SH2D3C: variants seen among roughly 807,000 people sequenced by gnomAD.
The protein encoded by SH2D3C is SH2 domain containing 3C.
Under a neutral mutation model 75.2 loss-of-function variants are expected in SH2D3C, and 25 were observed. That is an observed-to-expected ratio of 0.33 (90% CI 0.24 to 0.46). SH2D3C has a LOEUF of 0.46. Among genes scored for constraint, SH2D3C ranks in the 20% least tolerant of loss-of-function variants. The pLI, the probability that SH2D3C is intolerant of heterozygous loss-of-function variation, is 1.00. For synonymous variants in SH2D3C, 450 were observed against 473.7 expected (o/e 0.95, Z 0.65); for missense variants, 933 against 1,165.3 (o/e 0.80, Z 2.90).
In SH2D3C at chr9:127,751,843, T is replaced by C. The variant is rs113858555; in HGVS notation, c.556-543A>G. 6.6e-6 allele frequency among the ~76,000 whole-genome samples: 1 copy of C among 152,144 alleles called. No individual in the cohort carries two copies. The highest frequency in any genetic ancestry group is 1.9e-4 in the East Asian group (1 of 5,194). On this transcript the variant is annotated intron_variant, in intron 3 of 11. Transcript: ENST00000314830. The surrounding 1 kb of genome is among the most constrained non-coding windows in gnomAD (Gnocchi z 4.1). Reference sequence around the variant, plus strand: ...CAGCAGGTAACTGCAGGAAAAGCTATGAACAAAACCACAGAACTGGTTGGA... The same window carrying C: ...CAGCAGGTAACTGCAGGAAAAGCTACGAACAAAACCACAGAACTGGTTGGA...
intron 2 of SH2D3C, among the ~76,000 whole-genome samples, chr9:127,772,601 G>C (rs1448969437): frequency 6.6e-6 from 1 of 152,094 alleles, no homozygotes; most frequent in Non-Finnish European, 1.5e-5. Context: ...CATGTGACTG[G>C]TGTGGTTGAG....
chr9:127,744,529 T>G, intron 7 of SH2D3C, 35 bp downstream of exon 7: 1 of 1,570,260 alleles, frequency 6.4e-7, no homozygotes, highest in Non-Finnish European at 8.7e-7. Context: ...AGAACAGAGA[T>G]GCTCCCTCCA....
intron 3 of SH2D3C, among the ~76,000 whole-genome samples, chr9:127,756,024 G>C (rs2131776492): frequency 6.6e-6 from 1 of 152,318 alleles, no homozygotes; most frequent in East Asian, 1.9e-4. Flanking sequence ...TTTTTGGCCT[G>C]GCATGGTGGC....
intron 2 of SH2D3C, among the ~76,000 whole-genome samples, chr9:127,768,539 C>T (rs1294852057): frequency 2.6e-5 from 4 of 152,074 alleles, no homozygotes; most frequent in African/African-American, 4.8e-5. Context: ...AAGCTATGAT[C>T]GAGCCGCTGC....
chr9:127,767,034 G>T (rs528153400), intron 2 of SH2D3C: 2 of 1,536,060 alleles, frequency 1.3e-6, no homozygotes, highest in Non-Finnish European at 8.7e-7. Flanking sequence ...ATTCCCTGCC[G>T]GGAAGGCTCT....
chr9:127,743,889 C>T (rs966338736), intron 7 of SH2D3C, among the ~76,000 whole-genome samples: 4 of 148,198 alleles, frequency 2.7e-5, no homozygotes, highest in African/African-American at 5.1e-5. Flanking sequence ...GGCGGGGGGG[C>T]GGTGGGGGCA....
At chr9:127,761,697 C>T (rs774125532) in intron 2 of SH2D3C, 47 bp from the exon 3 acceptor site, 3 of 1,559,598 alleles carry the variant, frequency 1.9e-6, no homozygotes, top group Non-Finnish European at 2.6e-6. Flanking sequence ...TGCTTGGCTC[C>T]CCAGCTGCCG....
Position 127,745,111 on chromosome 9 carries a change from T to A in SH2D3C, c.1265-12A>T, listed in dbSNP as rs2233507. 6.7e-7 allele frequency: 1 copy of A among 1,486,280 alleles called. No individual in the cohort carries two copies. The highest frequency in any genetic ancestry group is 1.4e-5 in the South Asian group (1 of 69,332). 92.1% of individuals were successfully genotyped at this position (1,486,280 alleles called of 1,614,324 possible). On this transcript the variant is annotated splice_polypyrimidine_tract_variant and intron_variant, in intron 6 of 11. Coordinates refer to ENST00000314830, the MANE Select transcript of SH2D3C (RefSeq NM_170600.3). ...ATGGACACGGGTTACTGCAGAAAGG[T>A]AGAGAGAGAGGCCCCGTTATAGCAG...
chr9:127,757,155 C>T (rs570618347), intron 3 of SH2D3C, among the ~76,000 whole-genome samples: 25 of 148,010 alleles, frequency 1.7e-4, no homozygotes, highest in Non-Finnish European at 3.1e-4. Flanking sequence ...GTTGGCCAGG[C>T]TGGTCTTGAC....
Position 127,747,199 on chromosome 9 carries a change from G to C in SH2D3C, c.1212C>G (p.His404Gln), listed in dbSNP as rs200319475. ...TCTCGGAGATGGGCGACATGGGTGA[G>C]TGCAGGTCTGGGATCTGGTCCATGC... ...ALSMDQIPDL[H>Q]SPMSPISESP... is the part of the protein sequence containing the mutation. Residue 404 changes from histidine to glutamine, a missense_variant, in exon 6 of 12, where the codon CAC becomes CAG. Coordinates refer to ENST00000314830, the MANE Select transcript of SH2D3C (RefSeq NM_170600.3). 1 of 1,614,010 alleles carries C rather than the reference G, an allele frequency of 6.2e-7. No individual in the cohort carries two copies. Among genetic ancestry groups the C allele is most frequent in the East Asian group, 2.2e-5 (1 of 44,882 alleles).
At chr9:127,776,337 G>A (rs1378380832) in intron 1 of SH2D3C, among the ~76,000 whole-genome samples, 4 of 151,826 alleles carry the variant, frequency 2.6e-5, no homozygotes, top group African/African-American at 9.7e-5. Flanking sequence ...GGGTTGGGGA[G>A]TGTTCCAGCC....
Position 127,755,227 on chromosome 9 carries a change from G to T in SH2D3C, c.556-3927C>A, listed in dbSNP as rs1210902538. On this transcript the variant is annotated intron_variant, in intron 3 of 11. Transcript: ENST00000314830. The stretch of plus-strand genomic sequence containing the variant: ...GTGGCCGGCGGGGCAGGGGCGCAGG[G>T]ACCAACCGGCTAGGCACCGGCTGCG... 2.2e-5 allele frequency: 23 copies of T among 1,067,254 alleles called. No homozygotes were observed. The East Asian group carries it at 1.3e-3, about 58-fold the overall frequency. 66.1% of individuals were successfully genotyped at this position (1,067,254 alleles called of 1,614,324 possible). A position where few individuals can be genotyped will look rare whatever the true frequency, so the allele number is the denominator to read the frequency against.
rs200879250 is a variant in SH2D3C at position 127,772,184 on chromosome 9, CAAAA to C, written c.515+1802_515+1805del. Among the ~76,000 whole-genome samples, 772 of 146,852 alleles carry C rather than the reference CAAAA, an allele frequency of 5.3e-3. 11 individuals carry two copies. Among genetic ancestry groups the C allele is most frequent in the African/African-American group, 0.019 (742 of 40,052 alleles). On this transcript the variant is annotated intron_variant, in intron 2 of 11. Transcript: ENST00000314830. ...GCTCAAGAAAGTTACCAGAAAAAAACAAAAGAAAGAAAGGTCCCAGAACTCTGGC... is the reference window on the plus strand; with the variant it reads ...GCTCAAGAAAGTTACCAGAAAAAAACGAAAGAAAGGTCCCAGAACTCTGGC...
At chr9:127,759,908 G>A (rs369246462) in intron 3 of SH2D3C, among the ~76,000 whole-genome samples, 6 of 151,998 alleles carry the variant, frequency 3.9e-5, no homozygotes, top group East Asian at 1.9e-4. Context: ...GTGTGAACCC[G>A]GGAGGCGGAG....
chr9:127,767,986 C>G (rs1053731736), intron 2 of SH2D3C, among the ~76,000 whole-genome samples: 1 of 152,146 alleles, frequency 6.6e-6, no homozygotes, highest in African/African-American at 2.4e-5. Flanking sequence ...AGCTAGGGGC[C>G]GGGGGAACAG....
At chr9:127,748,352 C>A (rs997781880) in intron 5 of SH2D3C, among the ~76,000 whole-genome samples, 6 of 152,182 alleles carry the variant, frequency 3.9e-5, no homozygotes, top group Admixed American at 2.0e-4. Context: ...ATCCATTCAT[C>A]AATTCCTTGA....
At chr9:127,771,723 C>T (rs1308389636) in intron 2 of SH2D3C, among the ~76,000 whole-genome samples, 1 of 152,168 alleles carries the variant, frequency 6.6e-6, no homozygotes, top group Non-Finnish European at 1.5e-5. Context: ...TGTCTTAGAA[C>T]GCCCCAGGAC....
At chr9:127,759,568 G>C (rs1433431330) in intron 3 of SH2D3C, among the ~76,000 whole-genome samples, 1 of 152,016 alleles carries the variant, frequency 6.6e-6, no homozygotes, top group Non-Finnish European at 1.5e-5. Context: ...ATTTGGATTT[G>C]CTGGGCATGG....
Position 127,739,963 on chromosome 9 carries a change from G to A in SH2D3C, c.2201-75C>T. 1 of 1,358,428 alleles carries A rather than the reference G, an allele frequency of 7.4e-7. No individual in the cohort carries two copies. The highest frequency in any genetic ancestry group is 9.9e-7 in the Non-Finnish European group (1 of 1,008,888). The allele number at this position is 1,358,428 out of a possible 1,614,324, so 84.1% of individuals were successfully genotyped here. A position where few individuals can be genotyped will look rare whatever the true frequency, so the allele number is the denominator to read the frequency against. Reference sequence around the variant, plus strand: ...ATCCACTGCAGTCCTGGAAGCTGAGGTGCAGGAGGGAACGGGCCTGGCTGA... The same window carrying A: ...ATCCACTGCAGTCCTGGAAGCTGAGATGCAGGAGGGAACGGGCCTGGCTGA... On this transcript the variant is annotated intron_variant, in intron 10 of 11. Transcript: ENST00000314830. This position sits in a 1 kb window ranked among gnomAD's most constrained non-coding sequence, Gnocchi z 4.3.
Sources: allele counts gnomAD v4.1 joint callset (sites outside exome capture counted in the v4.1 genomes callset), GRCh38; gene constraint gnomAD v4.1.1; non-coding constraint Gnocchi (gnomAD v3.1); transcripts MANE v1.5; gene names NCBI Gene and HGNC (gene_info 2026-07-23, HGNC 2026-07-21).